NAV3: variants seen among roughly 807,000 people sequenced by gnomAD.
NAV3 encodes pore membrane and/or filament interacting like protein 1.
Under a neutral mutation model 244.7 loss-of-function variants are expected in NAV3, and 87 were observed. The observed-to-expected ratio is 0.36, with a 90% CI of 0.30 to 0.42. The LOEUF is 0.42. NAV3 is among the 20% of genes least tolerant of loss of function. The pLI is 1.00. For missense variants in NAV3, 2,663 were observed against 2,893.3 expected (o/e 0.92, Z 1.83); for synonymous variants, 1,126 against 1,042.2 (o/e 1.08, Z -1.55).
chr12:78,045,404 T>C (rs1881612351), intron 9 of NAV3, among the ~76,000 whole-genome samples: 2 of 152,082 alleles, frequency 1.3e-5, no homozygotes, highest in Admixed American at 1.3e-4. Flanking sequence ...CAAGCGATTC[T>C]CCTGCCTCAG....
intron 3 of NAV3, among the ~76,000 whole-genome samples, chr12:77,947,904 A>T (rs1890511925): frequency 6.6e-6 from 1 of 152,056 alleles, no homozygotes; most frequent in Non-Finnish European, 1.5e-5. Flanking sequence ...AGGCATTAAG[A>T]GGCAGTGTGT....
intron 24 of NAV3, among the ~76,000 whole-genome samples, chr12:78,169,903 T>A (rs1373521679): frequency 2.0e-5 from 3 of 151,832 alleles, no homozygotes; most frequent in African/African-American, 7.2e-5. Context: ...ATTCTTGGTT[T>A]TTCTTCTGTT....
intron 34 of NAV3, among the ~76,000 whole-genome samples, chr12:78,195,541 T>A (rs1959165234): frequency 6.6e-6 from 1 of 152,078 alleles, no homozygotes; most frequent in Non-Finnish European, 1.5e-5. Context: ...TCTAAGTTTC[T>A]GAAAGACAGA....
chr12:77,849,758 A>G (rs1040190000), intron 1 of NAV3, among the ~76,000 whole-genome samples: 3 of 152,152 alleles, frequency 2.0e-5, no homozygotes, highest in African/African-American at 7.2e-5. Context: ...CAGTGATCCA[A>G]AGTCCAAACC....
chr12:78,002,430 C>G (rs1344268290), intron 7 of NAV3, among the ~76,000 whole-genome samples: 2 of 152,122 alleles, frequency 1.3e-5, no homozygotes, highest in Non-Finnish European at 1.5e-5. Flanking sequence ...GAAGCTTTGG[C>G]TTTTATTTAC....
At chr12:77,978,878 C>A (rs1868998691) in intron 5 of NAV3, among the ~76,000 whole-genome samples, 1 of 151,862 alleles carries the variant, frequency 6.6e-6, no homozygotes, top group Non-Finnish European at 1.5e-5. Flanking sequence ...GTATTCATTA[C>A]AATTTTCAAT....
At chr12:77,865,039 G>T (rs183683158) in intron 1 of NAV3, among the ~76,000 whole-genome samples, 1 of 151,958 alleles carries the variant, frequency 6.6e-6, no homozygotes, top group South Asian at 2.1e-4. Flanking sequence ...TCACTTATGG[G>T]CATTAAATGT....
intron 2 of NAV3, among the ~76,000 whole-genome samples, chr12:77,642,880 T>C (rs1382975156): frequency 6.6e-6 from 1 of 152,136 alleles, no homozygotes; most frequent in African/African-American, 2.4e-5. Flanking sequence ...TGAAAGCTAA[T>C]TTTAATAAAA....
chr12:77,993,091 C>T (rs988084390), intron 5 of NAV3, among the ~76,000 whole-genome samples: 16 of 152,098 alleles, frequency 1.1e-4, no homozygotes, highest in African/African-American at 3.9e-4. Context: ...TGATTTTGGC[C>T]AAATCATTCA....
intron 2 of NAV3, among the ~76,000 whole-genome samples, chr12:77,752,970 A>T (rs1868939103): frequency 1.3e-5 from 2 of 152,192 alleles, no homozygotes; most frequent in Admixed American, 1.3e-4. Context: ...CCAAAGATAC[A>T]GTCTTAGACT....
Position 78,044,889 on chromosome 12 carries a change from A to T in NAV3, c.2024-5104A>T, listed in dbSNP as rs113341685. Among the ~76,000 whole-genome samples, 517 of 152,256 alleles carry T rather than the reference A, an allele frequency of 3.4e-3. 5 individuals carry two copies. Among genetic ancestry groups the T allele is most frequent in the African/African-American group, 0.012 (492 of 41,542 alleles). On this transcript the variant is annotated intron_variant, in intron 9 of 39. Coordinates refer to ENST00000397909, the MANE Select transcript of NAV3 (RefSeq NM_001024383.2). ...GTCATCTGCAAACAGAGACAATTTGACTTCCTCTCTTCCTATCTAAATGCA... is the reference window on the plus strand; with the variant it reads ...GTCATCTGCAAACAGAGACAATTTGTCTTCCTCTCTTCCTATCTAAATGCA...
At chr12:78,031,393 C>T (rs1172374249) in intron 9 of NAV3, among the ~76,000 whole-genome samples, 2 of 151,944 alleles carry the variant, frequency 1.3e-5, no homozygotes, top group Non-Finnish European at 2.9e-5. Context: ...TAAGTGGAGC[C>T]AATGAGAACA....
chr12:77,759,950 G>A lies in NAV3; in HGVS notation c.73-180369G>A, dbSNP rs141725561. ...TCTGCTTGCAGCAGATACCCAAAGA[G>A]TGGAATTAAAGTAGCCTCTTTGTAT... On this transcript the variant is annotated intron_variant, in intron 2 of 8. Coordinates refer to the NAV3 transcript ENST00000550042. Among the ~76,000 whole-genome samples the A allele has an allele frequency of 3.6e-3, 554 of 152,266 alleles. 6 individuals are homozygous for A. The highest frequency in any genetic ancestry group is 0.013 in the African/African-American group (527 of 41,538).
intron 1 of NAV3, among the ~76,000 whole-genome samples, chr12:77,900,569 CGT>C (rs1885167374): frequency 2.7e-5 from 4 of 148,964 alleles, no homozygotes; most frequent in Admixed American, 2.0e-4. Context: ...CATGCACACG[CGT>C]ATGTGTGTGT....
intron 2 of NAV3, among the ~76,000 whole-genome samples, chr12:77,701,779 G>A (rs1469217918): frequency 6.6e-6 from 1 of 151,768 alleles, no homozygotes; most frequent in Non-Finnish European, 1.5e-5. Flanking sequence ...AATCTGGGTG[G>A]CTTTGCTTTA....
At chr12:77,725,493 T>G (rs901562351) in intron 2 of NAV3, among the ~76,000 whole-genome samples, 1 of 151,960 alleles carries the variant, frequency 6.6e-6, no homozygotes, top group Admixed American at 6.6e-5. Flanking sequence ...CAGATTTTTT[T>G]TTCTTTTAAT....
chr12:78,176,918 G>A (rs1225196551), intron 26 of NAV3, among the ~76,000 whole-genome samples: 1 of 152,028 alleles, frequency 6.6e-6, no homozygotes, highest in Non-Finnish European at 1.5e-5. Context: ...CTATTTAAAA[G>A]CCTTCCATGT....
At chr12:78,154,456 T>C (rs960996111) in intron 22 of NAV3, among the ~76,000 whole-genome samples, 3 of 150,096 alleles carry the variant, frequency 2.0e-5, no homozygotes, top group African/African-American at 7.3e-5. Context: ...AATGTAGACG[T>C]TATGTATAAT....
intron 12 of NAV3, among the ~76,000 whole-genome samples, chr12:78,082,886 C>T (rs1270480767): frequency 1.3e-5 from 2 of 152,126 alleles, no homozygotes; most frequent in African/African-American, 4.8e-5. Flanking sequence ...TGAAGACTCC[C>T]TGTAGTCCTT....
Sources: gnomAD v4.1 joint callset for allele counts (sites outside exome capture counted in the v4.1 genomes callset) on GRCh38, gnomAD v4.1.1 for gene constraint, MANE v1.5 for transcripts, NCBI Gene and HGNC (gene_info 2026-07-23, HGNC 2026-07-21) for gene names.